The following SCAPER variants were observed in gnomAD, a reference collection of about 807,000 sequenced individuals.
The protein encoded by SCAPER is S-phase cyclin A associated protein in the ER.
SCAPER carries 98 observed loss-of-function variants against 182.2 expected under a neutral mutation model. The ratio of observed to expected loss-of-function variants is 0.54; its 90% CI spans 0.46 to 0.64. SCAPER has a LOEUF of 0.64. Ranked by LOEUF, SCAPER falls within the 30% of genes least tolerant of loss-of-function variation. SCAPER has a pLI of 0.00. For missense variants in SCAPER, 1,432 were observed against 1,690.0 expected (o/e 0.85, Z 2.68); for synonymous variants, 605 against 564.6 (o/e 1.07, Z -1.01).
At chr15:76,580,532 C>T (rs989734501) in intron 22 of SCAPER, among the ~76,000 whole-genome samples, 1 of 152,182 alleles carries the variant, frequency 6.6e-6, no homozygotes, top group East Asian at 1.9e-4. Context: ...AGATAGAAGG[C>T]CCCCTTGAAG....
chr15:76,780,649 G>A (rs2064065172), intron 8 of SCAPER, among the ~76,000 whole-genome samples: 1 of 152,174 alleles, frequency 6.6e-6, no homozygotes, highest in African/African-American at 2.4e-5. Context: ...ACCTCATGCA[G>A]GTGAGTGCCC....
intron 29 of SCAPER, among the ~76,000 whole-genome samples, chr15:76,375,719 A>T (rs1194674662): frequency 6.6e-6 from 1 of 152,228 alleles, no homozygotes; most frequent in Non-Finnish European, 1.5e-5. Flanking sequence ...GTGATGGCTT[A>T]TGCCTGTAAT....
intron 1 of SCAPER, among the ~76,000 whole-genome samples, chr15:76,898,659 A>G (rs1307587228): frequency 6.6e-6 from 1 of 152,250 alleles, no homozygotes; most frequent in African/African-American, 2.4e-5. Flanking sequence ...CGTACTGTAT[A>G]ATTCCATTTA....
At chr15:76,723,124 T>C (rs893721556) in intron 17 of SCAPER, among the ~76,000 whole-genome samples, 9 of 152,252 alleles carry the variant, frequency 5.9e-5, no homozygotes, top group Admixed American at 5.9e-4. Flanking sequence ...TTTTGGTATG[T>C]TGTGTCTTTG....
Position 76,771,966 on chromosome 15 carries a change from T to C in SCAPER, c.1036-12A>G, listed in dbSNP as rs747841742. The C allele has an allele frequency of 1.6e-5, 26 of 1,582,768 alleles. No individual in the cohort carries two copies. In the East Asian group the frequency reaches 3.1e-4, roughly 19 times the overall value. On this transcript the variant is annotated splice_polypyrimidine_tract_variant and intron_variant, in intron 9 of 31. Transcript: ENST00000563290. The stretch of plus-strand genomic sequence containing the variant: ...GTACTCACTGTGAACTAACAAAACG[T>C]AGAGAATGAATCAGAGATAATTAAA...
At chr15:76,683,632 GA>G (rs1041356233) in intron 20 of SCAPER, among the ~76,000 whole-genome samples, 3 of 147,672 alleles carry the variant, frequency 2.0e-5, no homozygotes, top group African/African-American at 7.5e-5. Flanking sequence ...CGAAATGAAA[GA>G]AAAAAAAATG....
chr15:76,425,116 G>C lies in SCAPER; in HGVS notation c.3311+8962C>G, dbSNP rs143886993. 1.4e-3 allele frequency among the ~76,000 whole-genome samples: 220 copies of C among 152,260 alleles called. 2 individuals are homozygous for C. Among genetic ancestry groups the C allele is most frequent in the African/African-American group, 4.8e-3 (200 of 41,552 alleles). ...GTGTCTTGGAGTTGCTCTTCTCGAG[G>C]AGTATCTTTGTGGCCGTCTGTATTT... On this transcript the variant is annotated intron_variant, in intron 26 of 31. Transcript: ENST00000563290.
intron 9 of SCAPER, 93 bp from the exon 10 acceptor site, chr15:76,772,047 A>G (rs1022190347): frequency 7.0e-6 from 5 of 711,594 alleles, no homozygotes; most frequent in Non-Finnish European, 1.0e-5. Flanking sequence ...CCTATTAACT[A>G]TGAAGAAGAA....
chr15:76,487,364 G>T (rs2051755150), intron 24 of SCAPER, among the ~76,000 whole-genome samples: 1 of 149,960 alleles, frequency 6.7e-6, no homozygotes, highest in Admixed American at 6.7e-5. Flanking sequence ...TCCAGGGGTT[G>T]GGTGGGTGGG....
chr15:76,789,874 C>A (rs1483738675), intron 8 of SCAPER, among the ~76,000 whole-genome samples: 3 of 152,198 alleles, frequency 2.0e-5, no homozygotes, highest in Non-Finnish European at 4.4e-5. Flanking sequence ...TAATCCCAAT[C>A]TTACTGTGAA....
chr15:76,413,710 G>C (rs1272886435), intron 26 of SCAPER, among the ~76,000 whole-genome samples: 1 of 152,186 alleles, frequency 6.6e-6, no homozygotes, highest in Non-Finnish European at 1.5e-5. Flanking sequence ...AAAGATTGGG[G>C]TTTCCTAAGA....
chr15:76,629,297 T>C lies in SCAPER; in HGVS notation c.2646-7468A>G, dbSNP rs571227128. 3.9e-5 allele frequency among the ~76,000 whole-genome samples: 6 copies of C among 152,386 alleles called. No homozygotes were observed. In the East Asian group the frequency reaches 1.2e-3, roughly 29 times the overall value. ...CTGGCCAGAACTTCTAAAACTATGTTGAATAGGAGTGGTGAGAGAAGCCAT... is the reference window on the plus strand; with the variant it reads ...CTGGCCAGAACTTCTAAAACTATGTCGAATAGGAGTGGTGAGAGAAGCCAT... On this transcript the variant is annotated intron_variant, in intron 21 of 31. Transcript: ENST00000563290.
intron 3 of SCAPER, among the ~76,000 whole-genome samples, chr15:76,860,178 C>T (rs955578921): frequency 6.6e-6 from 1 of 152,042 alleles, no homozygotes; most frequent in Non-Finnish European, 1.5e-5. Flanking sequence ...AATAGAAACA[C>T]CTTTGAACTA....
intron 23 of SCAPER, among the ~76,000 whole-genome samples, chr15:76,542,835 C>A (rs1449589514): frequency 1.3e-5 from 2 of 152,004 alleles, no homozygotes; most frequent in Admixed American, 6.6e-5. Flanking sequence ...GTATGTTACA[C>A]GTGCTTGATT....
chr15:76,635,743 T>C (rs560297431), intron 21 of SCAPER, among the ~76,000 whole-genome samples: 12 of 151,896 alleles, frequency 7.9e-5, no homozygotes, highest in African/African-American at 2.4e-4. Context: ...CTTCTAGTCC[T>C]AGTTTGTTGG....
At position 76,821,529 on chromosome 15, in the gene SCAPER, G is replaced by GA. The variant is rs1169961674; in HGVS notation, c.394-16897_394-16896insT. Among the ~76,000 whole-genome samples the GA allele has an allele frequency of 2.6e-5, 4 of 152,068 alleles. No individual in the cohort carries two copies. In the East Asian group the frequency reaches 7.7e-4, roughly 29 times the overall value. On this transcript the variant is annotated intron_variant, in intron 5 of 31. Transcript: ENST00000563290. ...CCCAGCTACTAGAGAGGCTGAGGTT[G>GA]GGGGGGATCACTTGAGCCTGGGAAG...
intron 24 of SCAPER, among the ~76,000 whole-genome samples, chr15:76,494,584 T>C (rs941503845): frequency 6.6e-6 from 1 of 152,186 alleles, no homozygotes; most frequent in Non-Finnish European, 1.5e-5. Flanking sequence ...TTTATGTTCA[T>C]AAATCAGAAA....
Position 76,472,647 on chromosome 15 carries a change from C to A in SCAPER, c.2955-1312G>T, listed in dbSNP as rs186034728. On this transcript the variant is annotated intron_variant, in intron 24 of 31. Transcript: ENST00000563290. Reference sequence around the variant, plus strand: ...TCTCAAAGTGAACCACCATGCCTGGCCTTGTTTTACTTTTTCAAAGCTATG... The same window carrying A: ...TCTCAAAGTGAACCACCATGCCTGGACTTGTTTTACTTTTTCAAAGCTATG... Among the ~76,000 whole-genome samples the A allele has an allele frequency of 1.0e-3, 157 of 152,130 alleles. 3 individuals carry two copies. Among genetic ancestry groups the A allele is most frequent in the African/African-American group, 3.7e-3 (154 of 41,490 alleles).
chr15:76,800,407 A>G, intron 6 of SCAPER, 43 bp from the exon 7 acceptor site: 1 of 1,215,240 alleles, frequency 8.2e-7, no homozygotes, highest in Non-Finnish European at 1.2e-6. Flanking sequence ...AACAGAGAAA[A>G]GGGAGAAACA....
Sources: allele counts gnomAD v4.1 joint callset (sites outside exome capture counted in the v4.1 genomes callset), GRCh38; gene constraint gnomAD v4.1.1; transcripts MANE v1.5; gene names NCBI Gene and HGNC (gene_info 2026-07-23, HGNC 2026-07-21).